Variants in STXBP5L observed in about 807,000 individuals in gnomAD.
The protein encoded by STXBP5L is syntaxin binding protein 5L.
Under a neutral mutation model 144.5 loss-of-function variants are expected in STXBP5L, and 65 were observed. The observed-to-expected ratio is 0.45, with a 90% CI of 0.37 to 0.55. The LOEUF (loss-of-function observed/expected upper bound fraction) is 0.55. Among genes scored for constraint, STXBP5L ranks in the 20% least tolerant of loss-of-function variants. The probability of loss-of-function intolerance (pLI) is 0.00; values close to 1 mark genes in which losing one functional copy is unlikely to be tolerated. For synonymous variants in STXBP5L, 505 were observed against 469.6 expected, an observed-to-expected ratio of 1.08 and a Z score of -0.97; for missense variants, 1,298 against 1,405.5, an observed-to-expected ratio of 0.92 and a Z score of 1.22.
At chr3:121,027,549 G>T (rs1156476631) in intron 3 of STXBP5L, among the ~76,000 whole-genome samples, 1 of 151,944 alleles carries the variant, frequency 6.6e-6, no homozygotes, top group Non-Finnish European at 1.5e-5. Context: ...TTGTTCTTTG[G>T]CTCTTGGCCC....
intron 3 of STXBP5L, among the ~76,000 whole-genome samples, chr3:121,009,782 G>T (rs780587743): frequency 6.6e-6 from 1 of 151,800 alleles, no homozygotes; most frequent in Non-Finnish European, 1.5e-5. Context: ...TTGGTGGATC[G>T]TAATGTTTTT....
intron 5 of STXBP5L, among the ~76,000 whole-genome samples, chr3:121,046,808 T>C (rs570761544): frequency 6.2e-4 from 94 of 152,156 alleles, no homozygotes; most frequent in Admixed American, 1.5e-3. Flanking sequence ...AAACCAACTC[T>C]TGTACTCATT....
chr3:121,024,632 A>G (rs956241035), intron 3 of STXBP5L, among the ~76,000 whole-genome samples: 4 of 152,198 alleles, frequency 2.6e-5, no homozygotes, highest in African/African-American at 9.7e-5. Flanking sequence ...TACCATCAAT[A>G]ACATTTATAA....
At chr3:121,194,785 A>T (rs1374160350) in intron 9 of STXBP5L, among the ~76,000 whole-genome samples, 1 of 151,552 alleles carries the variant, frequency 6.6e-6, no homozygotes, top group East Asian at 1.9e-4. Flanking sequence ...GTCAGTTTTG[A>T]TAGTTTGTGT....
chr3:121,144,562 T>C (rs543122810), intron 7 of STXBP5L, among the ~76,000 whole-genome samples: 1 of 152,030 alleles, frequency 6.6e-6, no homozygotes, highest in Admixed American at 6.6e-5. Flanking sequence ...GTGTGGAGGT[T>C]CCTCAAAAAA....
At chr3:121,410,671 T>C (rs1274513867) in intron 23 of STXBP5L, among the ~76,000 whole-genome samples, 1 of 151,880 alleles carries the variant, frequency 6.6e-6, no homozygotes, top group Non-Finnish European at 1.5e-5. Context: ...AGTTTGAGAG[T>C]AGAGAGGAGA....
chr3:121,399,027 T>C (rs2046805514), intron 22 of STXBP5L, among the ~76,000 whole-genome samples: 2 of 152,088 alleles, frequency 1.3e-5, no homozygotes, highest in Non-Finnish European at 2.9e-5. Context: ...GCCACTCTTT[T>C]TCTTCAAAAT....
At chr3:121,091,873 T>C (rs1405560203) in intron 5 of STXBP5L, among the ~76,000 whole-genome samples, 1 of 152,204 alleles carries the variant, frequency 6.6e-6, no homozygotes, top group Non-Finnish European at 1.5e-5. Context: ...TGAATGGTAA[T>C]GCCTAGGTTT....
At position 121,404,522 on chromosome 3, in the gene STXBP5L, G is replaced by A. The variant is rs373100950; in HGVS notation, c.2588-2721G>A. ...TCAAAATCCTTCCATCTCACGCCAA[G>A]TAAAAGTCTAGGTCTTTACCATGTC... On this transcript the variant is annotated intron_variant, in intron 22 of 26. Transcript: ENST00000471454. Among the ~76,000 whole-genome samples the A allele has an allele frequency of 1.7e-3, 256 of 152,194 alleles. 1 individual carries two copies. The highest frequency in any genetic ancestry group is 2.9e-3 in the Non-Finnish European group (198 of 68,016).
chr3:121,079,871 T>G (rs1015950460), intron 5 of STXBP5L, among the ~76,000 whole-genome samples: 4 of 151,822 alleles, frequency 2.6e-5, no homozygotes, highest in African/African-American at 9.7e-5. Context: ...GTCTATTGTT[T>G]CTTTGTTGAC....
intron 10 of STXBP5L, among the ~76,000 whole-genome samples, chr3:121,208,928 C>A (rs756801784): frequency 6.6e-6 from 1 of 151,750 alleles, no homozygotes; most frequent in Non-Finnish European, 1.5e-5. Flanking sequence ...ACCCCCACAA[C>A]CCCCAACAGG....
Position 121,134,632 on chromosome 3 carries a change from G to A in STXBP5L, c.669+12928G>A, listed in dbSNP as rs188470551. 2.9e-3 allele frequency among the ~76,000 whole-genome samples: 435 copies of A among 150,628 alleles called. 2 individuals carry two copies. Among genetic ancestry groups the A allele is most frequent in the African/African-American group, 8.2e-3 (336 of 40,968 alleles). ...CAAGTGTTCTCATTGTTCAATTCCC[G>A]CCTATGAGTGAGAACATGTGGTGTT... On this transcript the variant is annotated intron_variant, in intron 7 of 26. Transcript: ENST00000471454.
chr3:120,962,458 G>A (rs780188140), intron 3 of STXBP5L, among the ~76,000 whole-genome samples: 21 of 152,276 alleles, frequency 1.4e-4, no homozygotes, highest in African/African-American at 4.8e-4. Flanking sequence ...TTTGTGTAAG[G>A]TGTAAGGAAG....
In STXBP5L at chr3:121,423,566, A is replaced by G. The variant is rs1312417429; in HGVS notation, c.*4469A>G. ...GATGGATGCTTTGATTTACACATTT[A>G]TCTAGAGGAGTGATTCTCAACCTTG... On this transcript the variant is annotated 3_prime_UTR_variant, in exon 27 of 27. Coordinates refer to ENST00000471454, the MANE Select transcript of STXBP5L (RefSeq NM_001308330.2). 1 of 152,224 alleles carries G rather than the reference A, an allele frequency of 6.6e-6. No homozygotes were observed. Among genetic ancestry groups the G allele is most frequent in the Non-Finnish European group, 1.5e-5 (1 of 68,042 alleles). 9.4% of individuals were successfully genotyped at this position (152,224 alleles called of 1,614,324 possible). A position where few individuals can be genotyped will look rare whatever the true frequency, so the allele number is the denominator to read the frequency against.
intron 9 of STXBP5L, among the ~76,000 whole-genome samples, chr3:121,191,574 T>G (rs2047685918): frequency 6.6e-6 from 1 of 151,544 alleles, no homozygotes; most frequent in Non-Finnish European, 1.5e-5. Flanking sequence ...GGGAGATAGT[T>G]TTTTTTTCCA....
intron 3 of STXBP5L, among the ~76,000 whole-genome samples, chr3:120,989,415 C>G (rs891612048): frequency 6.6e-6 from 1 of 151,946 alleles, no homozygotes; most frequent in African/African-American, 2.4e-5. Context: ...TATGTTTATT[C>G]GCAATTTATA....
intron 18 of STXBP5L, among the ~76,000 whole-genome samples, chr3:121,269,482 A>G (rs2050673756): frequency 6.6e-6 from 1 of 152,042 alleles, no homozygotes; most frequent in Non-Finnish European, 1.5e-5. Context: ...GGGTCAGAAC[A>G]AAGATAGTTT....
chr3:121,053,137 G>A (rs550732287), intron 5 of STXBP5L, among the ~76,000 whole-genome samples: 4 of 152,244 alleles, frequency 2.6e-5, no homozygotes, highest in East Asian at 3.9e-4. Flanking sequence ...TGGGTAGGAA[G>A]AATCAATATC....
At chr3:121,353,435 A>C (rs2045380870) in intron 20 of STXBP5L, among the ~76,000 whole-genome samples, 2 of 152,008 alleles carry the variant, frequency 1.3e-5, no homozygotes, top group Admixed American at 6.6e-5. Flanking sequence ...CCAGGATTTT[A>C]TCCATTTCTT....
Sources: gnomAD v4.1 joint callset for allele counts (sites outside exome capture counted in the v4.1 genomes callset) on GRCh38, gnomAD v4.1.1 for gene constraint, MANE v1.5 for transcripts, NCBI Gene and HGNC (gene_info 2026-07-23, HGNC 2026-07-21) for gene names.